HPCA: variants seen among roughly 807,000 people sequenced by gnomAD.
The protein encoded by HPCA is neuron-specific calcium-binding protein hippocalcin.
HPCA carries 4 observed loss-of-function variants against 18.2 expected under a neutral mutation model. The observed-to-expected ratio is 0.22, with a 90% CI of 0.11 to 0.50. The LOEUF (loss-of-function observed/expected upper bound fraction) is 0.50. Among genes scored for constraint, HPCA ranks in the 20% least tolerant of loss-of-function variants. The probability of loss-of-function intolerance (pLI) is 0.97; values close to 1 mark genes in which losing one functional copy is unlikely to be tolerated. For missense variants in HPCA, 161 were observed against 265.8 expected (o/e 0.61, Z 2.74); for synonymous variants, 93 against 103.5 (o/e 0.90, Z 0.61).
intron 2 of HPCA, among the ~76,000 whole-genome samples, chr1:32,891,447 G>A (rs1276466568): frequency 1.3e-5 from 2 of 152,226 alleles, no homozygotes; most frequent in African/African-American, 4.8e-5. Flanking sequence ...TCTGGTGGGG[G>A]AGACAGATGT....
Position 32,893,673 on chromosome 1 carries a change from T to TACCAA in HPCA, c.484+44_484+45insACCAA. 3.8e-6 allele frequency: 5 copies of TACCAA among 1,314,102 alleles called. No individual in the cohort carries two copies. The highest frequency in any genetic ancestry group is 3.2e-6 in the Non-Finnish European group (3 of 926,060). 81.4% of individuals were successfully genotyped at this position (1,314,102 alleles called of 1,614,324 possible). A position where few individuals can be genotyped will look rare whatever the true frequency, so the allele number is the denominator to read the frequency against. ...ACGGGGTGGACGGGGCGGGCGCCTT[T>TACCAA]CCCTCCCTCCCTCCCTGCCTCCCTT... On this transcript the variant is annotated intron_variant, in intron 3 of 3. Coordinates refer to ENST00000373467, the MANE Select transcript of HPCA (RefSeq NM_002143.3). The surrounding 1 kb of genome is among the most constrained non-coding windows in gnomAD (Gnocchi z 7.5).
At position 32,894,504 on chromosome 1, in the gene HPCA, G is replaced by T; in HGVS notation, c.*642G>T. 1 of 395,242 alleles carries T rather than the reference G, an allele frequency of 2.5e-6. No homozygotes were observed. The highest frequency in any genetic ancestry group is 4.7e-6 in the Non-Finnish European group (1 of 212,006). 24.5% of individuals were successfully genotyped at this position (395,242 alleles called of 1,614,324 possible). A position where few individuals can be genotyped will look rare whatever the true frequency, so the allele number is the denominator to read the frequency against. ...ATGCACCCAGAGCCCCATGCACAGT[G>T]TCCTGCGTGGGAAAGAGACACGGTC... On this transcript the variant is annotated 3_prime_UTR_variant, in exon 4 of 4. Transcript: ENST00000373467.
Position 32,893,923 on chromosome 1 carries a change from A to T in HPCA, c.*61A>T. The T allele has an allele frequency of 8.3e-7, 1 of 1,206,458 alleles. No homozygotes were observed. Among genetic ancestry groups the T allele is most frequent in the Admixed American group, 2.0e-5 (1 of 50,172 alleles). The allele number at this position is 1,206,458 out of a possible 1,614,324, so 74.7% of individuals were successfully genotyped here. On this transcript the variant is annotated 3_prime_UTR_variant, in exon 4 of 4. Coordinates refer to ENST00000373467, the MANE Select transcript of HPCA (RefSeq NM_002143.3). The surrounding 1 kb of genome is among the most constrained non-coding windows in gnomAD (Gnocchi z 7.5). ...GGCCCCCTCCCGGCTCTTAGCTTCC[A>T]CTCCCTTGTGTGTATTCTGGCTGGG...
chr1:32,893,702 C>T lies in HPCA; in HGVS notation c.485-63C>T, dbSNP rs1042714563. The stretch of plus-strand genomic sequence containing the variant: ...TCCCTCCCTCCCTGCCTCCCTTTCC[C>T]GCTCCGCCTCCCCTCGCTAGGCTGC... On this transcript the variant is annotated intron_variant, in intron 3 of 3. Transcript: ENST00000373467. This position sits in a 1 kb window ranked among gnomAD's most constrained non-coding sequence, Gnocchi z 7.5. 3 of 1,494,790 alleles carry T rather than the reference C, an allele frequency of 2.0e-6. No homozygotes were observed. Among genetic ancestry groups the T allele is most frequent in the Non-Finnish European group, 2.8e-6 (3 of 1,084,452 alleles). 92.6% of individuals were successfully genotyped at this position (1,494,790 alleles called of 1,614,324 possible). A position where few individuals can be genotyped will look rare whatever the true frequency, so the allele number is the denominator to read the frequency against.
At position 32,893,699 on chromosome 1, in the gene HPCA, T is replaced by C; in HGVS notation, c.485-66T>C. On this transcript the variant is annotated intron_variant, in intron 3 of 3. Coordinates refer to ENST00000373467, the MANE Select transcript of HPCA (RefSeq NM_002143.3). This position sits in a 1 kb window ranked among gnomAD's most constrained non-coding sequence, Gnocchi z 7.5. ...CCCTCCCTCCCTCCCTGCCTCCCTT[T>C]CCCGCTCCGCCTCCCCTCGCTAGGC... 1 of 1,484,856 alleles carries C rather than the reference T, an allele frequency of 6.7e-7. No homozygotes were observed. Among genetic ancestry groups the C allele is most frequent in the South Asian group, 1.2e-5 (1 of 85,626 alleles). The allele number at this position is 1,484,856 out of a possible 1,614,324, so 92.0% of individuals were successfully genotyped here. A position where few individuals can be genotyped will look rare whatever the true frequency, so the allele number is the denominator to read the frequency against.
chr1:32,887,938 C>T (rs539982188), intron 1 of HPCA, among the ~76,000 whole-genome samples: 1 of 152,008 alleles, frequency 6.6e-6, no homozygotes, highest in Non-Finnish European at 1.5e-5. Flanking sequence ...TGGGCTGGTA[C>T]GTGAGTGGCA....
At position 32,893,660 on chromosome 1, in the gene HPCA, G is replaced by C. The variant is rs1218520244; in HGVS notation, c.484+31G>C. ...GGGCAGGGGCGGGACGGGGTGGACG[G>C]GGCGGGCGCCTTTCCCTCCCTCCCT... On this transcript the variant is annotated intron_variant, in intron 3 of 3. Coordinates refer to ENST00000373467, the MANE Select transcript of HPCA (RefSeq NM_002143.3). The surrounding 1 kb of genome is among the most constrained non-coding windows in gnomAD (Gnocchi z 7.5). 1 of 1,561,222 alleles carries C rather than the reference G, an allele frequency of 6.4e-7. No homozygotes were observed. Among genetic ancestry groups the C allele is most frequent in the Admixed American group, 1.7e-5 (1 of 59,622 alleles).
rs1570028050 is a variant in HPCA at position 32,894,613 on chromosome 1, T to C, written c.*751T>C. ...CCAAATGGAGCATCTCTGTTCTTTT[T>C]AATAATTTCAGAATAAAGTCTCATT... On this transcript the variant is annotated 3_prime_UTR_variant, in exon 4 of 4. Coordinates refer to ENST00000373467, the MANE Select transcript of HPCA (RefSeq NM_002143.3). 1.4e-6 allele frequency: 1 copy of C among 715,810 alleles called. No individual in the cohort carries two copies. The highest frequency in any genetic ancestry group is 2.8e-5 in the East Asian group (1 of 36,228). The allele number at this position is 715,810 out of a possible 1,614,324, so 44.3% of individuals were successfully genotyped here.
At chr1:32,890,099 C>A (rs764456187) in intron 2 of HPCA, among the ~76,000 whole-genome samples, 6 of 152,284 alleles carry the variant, frequency 3.9e-5, no homozygotes, top group Middle Eastern at 3.4e-3. Flanking sequence ...CTTACAACAA[C>A]CCCATGAGGC....
intron 2 of HPCA, among the ~76,000 whole-genome samples, chr1:32,890,198 G>A (rs1467122599): frequency 6.6e-6 from 1 of 152,234 alleles, no homozygotes; most frequent in Admixed American, 6.5e-5. Context: ...TGTCTACTGA[G>A]AGGGCTCTGG....
chr1:32,894,003 A>G lies in HPCA; in HGVS notation c.*141A>G. ...GTCTGCCCTGTGGGGGGCTTCCGGA[A>G]AAGGGAACCCTGCGGTACCCCCAGG... On this transcript the variant is annotated 3_prime_UTR_variant, in exon 4 of 4. Transcript: ENST00000373467. 1 of 655,526 alleles carries G rather than the reference A, an allele frequency of 1.5e-6. No individual in the cohort carries two copies. Among genetic ancestry groups the G allele is most frequent in the Non-Finnish European group, 2.6e-6 (1 of 383,762 alleles). The allele number at this position is 655,526 out of a possible 1,614,324, so 40.6% of individuals were successfully genotyped here.
chr1:32,887,868 G>A (rs1050082426), intron 1 of HPCA, among the ~76,000 whole-genome samples: 1 of 151,996 alleles, frequency 6.6e-6, no homozygotes, highest in Non-Finnish European at 1.5e-5. Context: ...CGATTCGTGT[G>A]AGTTGTGGAG....
At chr1:32,887,491 C>G (rs1641389608) in intron 1 of HPCA, among the ~76,000 whole-genome samples, 1 of 152,114 alleles carries the variant, frequency 6.6e-6, no homozygotes, top group African/African-American at 2.4e-5. Context: ...CTGGCTGTTT[C>G]CTCTTCATTG....
At chr1:32,888,734 G>A in intron 1 of HPCA, 144 bp from the exon 2 acceptor site, 2 of 728,922 alleles carry the variant, frequency 2.7e-6, no homozygotes, top group Non-Finnish European at 4.6e-6. Context: ...TCTAGGCTGT[G>A]TGACCTTGGG....
rs971699610 is a variant in HPCA, at chr1:32,894,488, G to C, written c.*626G>C. ...ATAGACAGATGGGCAGATGCACCCA[G>C]AGCCCCATGCACAGTGTCCTGCGTG... On this transcript the variant is annotated 3_prime_UTR_variant, in exon 4 of 4. Coordinates refer to ENST00000373467, the MANE Select transcript of HPCA (RefSeq NM_002143.3). 6.0e-6 allele frequency: 2 copies of C among 333,098 alleles called. No homozygotes were observed. The highest frequency in any genetic ancestry group is 2.0e-5 in the African/African-American group (1 of 49,278). 20.6% of individuals were successfully genotyped at this position (333,098 alleles called of 1,614,324 possible). A position where few individuals can be genotyped will look rare whatever the true frequency, so the allele number is the denominator to read the frequency against.
intron 2 of HPCA, among the ~76,000 whole-genome samples, chr1:32,891,557 G>T (rs1388589505): frequency 6.6e-6 from 1 of 152,194 alleles, no homozygotes; most frequent in Non-Finnish European, 1.5e-5. Context: ...TGTGGAGGAT[G>T]AATAATGACT....
At chr1:32,887,529 C>G (rs373273103) in intron 1 of HPCA, among the ~76,000 whole-genome samples, 2 of 152,118 alleles carry the variant, frequency 1.3e-5, no homozygotes, top group African/African-American at 4.8e-5. Context: ...ACAATCTAAC[C>G]TGCACTCAGG....
Position 32,889,067 on chromosome 1 carries a change from C to T in HPCA, c.169C>T (p.Pro57Ser), listed in dbSNP as rs868629310. Residue 57 changes from proline (P) to serine (S), a missense_variant, in exon 2 of 4, where the codon CCC becomes TCC. Pro to Ser is a moderately conservative substitution (Grantham distance 74). Coordinates refer to ENST00000373467, the MANE Select transcript of HPCA (RefSeq NM_002143.3). The surrounding 1 kb of genome is among the most constrained non-coding windows in gnomAD (Gnocchi z 4.6). The stretch of plus-strand genomic sequence containing the variant: ...CAAGAAGATCTACGCCAACTTCTTT[C>T]CCTATGGTGACGCCTCCAAGTTTGC... ...EFKKIYANFF[P>S]YGDASKFAEH... 1 of 1,614,122 alleles carries T rather than the reference C, an allele frequency of 6.2e-7. No individual in the cohort carries two copies. The highest frequency in any genetic ancestry group is 8.5e-7 in the Non-Finnish European group (1 of 1,180,042).
chr1:32,887,457 G>A (rs1445687737), intron 1 of HPCA, among the ~76,000 whole-genome samples: 4 of 152,144 alleles, frequency 2.6e-5, no homozygotes, highest in African/African-American at 4.8e-5. Flanking sequence ...CTGCACACAC[G>A]CCTACATCCT....
Sources: allele counts gnomAD v4.1 joint callset (sites outside exome capture counted in the v4.1 genomes callset), GRCh38; gene constraint gnomAD v4.1.1; non-coding constraint Gnocchi (gnomAD v3.1); transcripts MANE v1.5; gene names NCBI Gene and HGNC (gene_info 2026-07-23, HGNC 2026-07-21).